The following ADAMTS17 variants were observed in gnomAD, a reference collection of about 807,000 sequenced individuals.
The protein encoded by ADAMTS17 is ADAM metallopeptidase with thrombospondin type 1 motif 17.
In ADAMTS17, 113 loss-of-function variants were observed where a neutral mutation model predicts 141.5. The observed-to-expected ratio is 0.80, with a 90% CI of 0.69 to 0.93. The LOEUF is 0.93. ADAMTS17 is among the 40% of genes least tolerant of loss of function. The pLI is 0.00. For synonymous variants in ADAMTS17, 768 were observed against 630.6 expected, an observed-to-expected ratio of 1.22 and a Z score of -3.27; for missense variants, 1,659 against 1,517.9, an observed-to-expected ratio of 1.09 and a Z score of -1.54.
At chr15:100,205,195 A>G (rs199648756) in intron 7 of ADAMTS17, among the ~76,000 whole-genome samples, 3 of 152,034 alleles carry the variant, frequency 2.0e-5, no homozygotes, top group East Asian at 1.9e-4. Context: ...AGAGAATCAC[A>G]CGAGTCCCCA....
intron 18 of ADAMTS17, among the ~76,000 whole-genome samples, chr15:100,017,818 C>A (rs2061321286): frequency 2.0e-5 from 3 of 152,188 alleles, no homozygotes; most frequent in Admixed American, 2.0e-4. Context: ...TCACCATCAT[C>A]ACACAGACTT....
intron 4 of ADAMTS17, among the ~76,000 whole-genome samples, chr15:100,280,051 A>G (rs1209454320): frequency 6.6e-6 from 1 of 151,842 alleles, no homozygotes; most frequent in Admixed American, 6.6e-5. Flanking sequence ...TCACTGACAC[A>G]TTTCAGCCAG....
At chr15:100,339,664 TCCACATTC>T (rs1341707179) in intron 2 of ADAMTS17, among the ~76,000 whole-genome samples, 8 of 110,114 alleles carry the variant, frequency 7.3e-5, no homozygotes, top group African/African-American at 1.3e-4. Context: ...CCGCCCCAGG[TCCACATTC>T]CCCGCCCCAG....
intron 17 of ADAMTS17, among the ~76,000 whole-genome samples, chr15:100,050,173 G>C (rs1006957082): frequency 6.6e-6 from 1 of 152,148 alleles, no homozygotes; most frequent in African/African-American, 2.4e-5. Context: ...TTCAGCTTTG[G>C]TGGCAGGTCT....
chr15:100,326,553 T>C (rs948899024), intron 3 of ADAMTS17, among the ~76,000 whole-genome samples: 1 of 152,214 alleles, frequency 6.6e-6, no homozygotes, highest in African/African-American at 2.4e-5. Context: ...GCTGTAATAA[T>C]GGATTACACC....
At chr15:100,160,929 T>C (rs1164487742) in intron 8 of ADAMTS17, among the ~76,000 whole-genome samples, 2 of 152,248 alleles carry the variant, frequency 1.3e-5, no homozygotes, top group African/African-American at 4.8e-5. Flanking sequence ...AAGATTACTT[T>C]GACTGAGAAA....
Position 100,068,648 on chromosome 15 carries a change from G to C in ADAMTS17, c.2138-14594C>G, listed in dbSNP as rs144787148. 1.4e-3 allele frequency among the ~76,000 whole-genome samples: 217 copies of C among 152,334 alleles called. 3 individuals carry two copies. The East Asian group carries it at 0.034, about 24-fold the overall frequency. On this transcript the variant is annotated intron_variant, in intron 15 of 21. Transcript: ENST00000268070. Reference sequence around the variant, plus strand: ...CTGATACCCAGGCCAACAGGGTCTGGAGTGGACCTCCAGCAAAATCCAACA... The same window carrying C: ...CTGATACCCAGGCCAACAGGGTCTGCAGTGGACCTCCAGCAAAATCCAACA...
chr15:100,211,190 T>C (rs2041796921), intron 7 of ADAMTS17, among the ~76,000 whole-genome samples: 1 of 150,340 alleles, frequency 6.7e-6, no homozygotes, highest in South Asian at 2.1e-4. Context: ...TAATCCCAGC[T>C]ACTTGGGAAG....
At chr15:100,255,617 A>AACACACACACACACACACAC (rs10529356) in intron 6 of ADAMTS17, among the ~76,000 whole-genome samples, 11,789 of 140,060 alleles carry the variant, frequency 0.084, 626 homozygotes, top group South Asian at 0.11. Context: ...TGTTTTGAGC[A>AACACACACACACACACACAC]ACACACACAC....
At chr15:100,333,683 G>A (rs935534646) in intron 2 of ADAMTS17, among the ~76,000 whole-genome samples, 1 of 152,224 alleles carries the variant, frequency 6.6e-6, no homozygotes, top group Non-Finnish European at 1.5e-5. Flanking sequence ...CCCAAAAGCT[G>A]AGCAGGGCTT....
At chr15:100,204,550 G>A (rs1222370819) in intron 7 of ADAMTS17, among the ~76,000 whole-genome samples, 2 of 152,212 alleles carry the variant, frequency 1.3e-5, no homozygotes, top group Non-Finnish European at 2.9e-5. Flanking sequence ...ATGTCTTAGA[G>A]GCTAGGATGT....
At position 100,209,082 on chromosome 15, in the gene ADAMTS17, A is replaced by G. The variant is rs138453738; in HGVS notation, c.1076-9659T>C. Among the ~76,000 whole-genome samples the G allele has an allele frequency of 3.1e-3, 449 of 144,974 alleles. 3 individuals carry two copies. The highest frequency in any genetic ancestry group is 0.01 in the African/African-American group (404 of 39,074). On this transcript the variant is annotated intron_variant, in intron 7 of 21. Coordinates refer to ENST00000268070, the MANE Select transcript of ADAMTS17 (RefSeq NM_139057.4). ...ATTTCTAAAGGATGAATACAATGCA[A>G]GGCCATGCATGGAAATATTTGCCAA...
At chr15:100,076,509 G>C (rs1291276069) in intron 15 of ADAMTS17, among the ~76,000 whole-genome samples, 1 of 152,112 alleles carries the variant, frequency 6.6e-6, no homozygotes, top group Non-Finnish European at 1.5e-5. Flanking sequence ...CTGGATACTT[G>C]TATAGATCCT....
At chr15:100,167,554 A>G (rs2039997966) in intron 8 of ADAMTS17, among the ~76,000 whole-genome samples, 1 of 152,204 alleles carries the variant, frequency 6.6e-6, no homozygotes, top group African/African-American at 2.4e-5. Context: ...ACCGGGCTGC[A>G]CTGTGTGCTG....
At chr15:100,046,023 G>C (rs147565095) in intron 18 of ADAMTS17, among the ~76,000 whole-genome samples, 323 of 152,186 alleles carry the variant, frequency 2.1e-3, no homozygotes, top group African/African-American at 7.4e-3. Flanking sequence ...TGAGACTACA[G>C]GCATCTGCCA....
In ADAMTS17 at chr15:100,236,316, A is replaced by AC. The variant is rs1403988504; in HGVS notation, c.1075+17819dup. ...AAAAAAAAAACCCTAACAAGAGAAG[A>AC]CCCCCAGCCACAATAAGGCAGGGCT... On this transcript the variant is annotated intron_variant, in intron 7 of 21. Coordinates refer to ENST00000268070, the MANE Select transcript of ADAMTS17 (RefSeq NM_139057.4). Among the ~76,000 whole-genome samples the AC allele has an allele frequency of 1.0e-4, 15 of 149,652 alleles. No homozygotes were observed. In the South Asian group the frequency reaches 3.2e-3, roughly 32 times the overall value.
At position 100,070,020 on chromosome 15, in the gene ADAMTS17, A is replaced by G. The variant is rs1055292953; in HGVS notation, c.2138-15966T>C. On this transcript the variant is annotated intron_variant, in intron 15 of 21. Coordinates refer to ENST00000268070, the MANE Select transcript of ADAMTS17 (RefSeq NM_139057.4). ...ATCCATCTCATGTGCAGAGACACAC[A>G]TAGGCTCAAAATAAAAGGATGGAGG... Among the ~76,000 whole-genome samples the G allele has an allele frequency of 8.6e-5, 13 of 150,400 alleles. 2 individuals are homozygous for G. Among genetic ancestry groups the G allele is most frequent in the Non-Finnish European group, 1.9e-4 (13 of 67,564 alleles).
At chr15:100,039,433 T>C (rs2031048081) in intron 18 of ADAMTS17, among the ~76,000 whole-genome samples, 1 of 152,214 alleles carries the variant, frequency 6.6e-6, no homozygotes, top group Admixed American at 6.5e-5. Flanking sequence ...AGTTCTGTTA[T>C]ATTGTGCCTT....
chr15:100,293,780 G>C (rs952439585), intron 3 of ADAMTS17, among the ~76,000 whole-genome samples: 1 of 152,218 alleles, frequency 6.6e-6, no homozygotes, highest in African/African-American at 2.4e-5. Context: ...CCAACACCTA[G>C]CACTGTGTGG....
Sources: gnomAD v4.1 joint callset for allele counts (sites outside exome capture counted in the v4.1 genomes callset) on GRCh38, gnomAD v4.1.1 for gene constraint, MANE v1.5 for transcripts, NCBI Gene and HGNC (gene_info 2026-07-23, HGNC 2026-07-21) for gene names.